HYAL4: variants seen among roughly 807,000 people sequenced by gnomAD.
The protein encoded by HYAL4 is hyaluronidase-4.
A neutral mutation model predicts 35.2 loss-of-function variants in HYAL4; 37 were observed. That is an observed-to-expected ratio of 1.05 (90% CI 0.81 to 1.38). HYAL4 has a LOEUF of 1.38. Among genes scored for constraint, HYAL4 ranks in the 40% most tolerant of loss-of-function variants. The probability of loss-of-function intolerance (pLI) is 0.00; values close to 1 mark genes in which losing one functional copy is unlikely to be tolerated. For missense variants in HYAL4, 572 were observed against 572.4 expected (o/e 1.00, Z 0.01); for synonymous variants, 198 against 203.2 (o/e 0.97, Z 0.22).
the HYAL4 span, among the ~76,000 whole-genome samples, chr7:123,787,107 CAAAAA>C: frequency 1.0e-4 from 5 of 49,158 alleles, no homozygotes; most frequent in Admixed American, 2.2e-4. Flanking sequence ...AACTCTGTCT[CAAAAA>C]AAAAAAAAAA....
At chr7:123,837,216 G>C (rs1430160005) in intron 1 of HYAL4, among the ~76,000 whole-genome samples, 1 of 152,118 alleles carries the variant, frequency 6.6e-6, no homozygotes, top group Non-Finnish European at 1.5e-5. Context: ...TTGTTTAAGA[G>C]GGCTGAAGAT....
chr7:123,849,359 G>A (rs1024686587), intron 2 of HYAL4, among the ~76,000 whole-genome samples: 2 of 151,018 alleles, frequency 1.3e-5, no homozygotes, highest in African/African-American at 4.9e-5. Context: ...GGAGTGCATC[G>A]GCGCGATCTT....
chr7:123,775,153 C>T, the HYAL4 span, among the ~76,000 whole-genome samples: 1 of 152,156 alleles, frequency 6.6e-6, no homozygotes. Context: ...CCTTGAGAGG[C>T]CAGGCATGGT....
chr7:123,783,291 C>G, the HYAL4 span, among the ~76,000 whole-genome samples: 3 of 152,092 alleles, frequency 2.0e-5, no homozygotes, highest in African/African-American at 2.4e-5. Context: ...TTTGCCTTCT[C>G]TATGTTGGGA....
rs765283289 is a variant in HYAL4, at chr7:123,868,789, C to T, written c.516C>T (p.Ser172=). The T allele has an allele frequency of 2.9e-5, 47 of 1,613,994 alleles. No individual in the cohort carries two copies. Among genetic ancestry groups the T allele is most frequent in the Middle Eastern group, 1.6e-4 (1 of 6,084 alleles). ...VYRQKSRKLI[S]DMGKNVSATD... ...GACAGAAGTCAAGAAAGCTTATTTC[C>T]GATATGGGAAAGAATGTATCAGCTA... is the stretch of plus-strand genomic sequence containing the variant. The change falls in exon 3 of 5, where the codon TCC becomes TCT. Residue 172 remains serine, a synonymous_variant. Transcript: ENST00000223026.
chr7:123,764,130 G>A, the HYAL4 span, among the ~76,000 whole-genome samples: 1 of 152,102 alleles, frequency 6.6e-6, no homozygotes, highest in African/African-American at 2.4e-5. Context: ...CTACAGGAGC[G>A]CATCACCACG....
chr7:123,778,171 ATC>A, the HYAL4 span, among the ~76,000 whole-genome samples: 1 of 150,064 alleles, frequency 6.7e-6, no homozygotes, highest in Admixed American at 6.6e-5. Flanking sequence ...CTATCTATCT[ATC>A]TATCTATCTA....
chr7:123,792,418 T>C, the HYAL4 span, among the ~76,000 whole-genome samples: 1 of 152,210 alleles, frequency 6.6e-6, no homozygotes. Flanking sequence ...GTAAATTACC[T>C]TGCTGAGGTT....
At chr7:123,873,285 A>G (rs749926164) in intron 3 of HYAL4, among the ~76,000 whole-genome samples, 2 of 152,108 alleles carry the variant, frequency 1.3e-5, no homozygotes, top group Non-Finnish European at 2.9e-5. Context: ...CATGTCAGCT[A>G]TGACCTGTTC....
chr7:123,854,360 G>A lies in HYAL4; in HGVS notation c.-52+6202G>A, dbSNP rs60844969. On this transcript the variant is annotated intron_variant, in intron 2 of 4. Transcript: ENST00000223026. Reference sequence around the variant, plus strand: ...TTACTGTTTCTGATGTGGGCATTTAGTGCTATAAATTTCCCTCTAAACACT... The same window carrying A: ...TTACTGTTTCTGATGTGGGCATTTAATGCTATAAATTTCCCTCTAAACACT... 1.2e-4 allele frequency among the ~76,000 whole-genome samples: 18 copies of A among 152,292 alleles called. No individual in the cohort carries two copies. The East Asian group carries it at 2.3e-3, about 20-fold the overall frequency.
At chr7:123,784,856 T>G in the HYAL4 span, among the ~76,000 whole-genome samples, 1 of 152,168 alleles carries the variant, frequency 6.6e-6, no homozygotes, top group Non-Finnish European at 1.5e-5. Flanking sequence ...TTGTTGCTTT[T>G]GTTACTGTAC....
the HYAL4 span, among the ~76,000 whole-genome samples, chr7:123,816,617 TTTTTTA>T: frequency 2.0e-5 from 3 of 152,144 alleles, no homozygotes; most frequent in Admixed American, 6.5e-5. Context: ...CTTTTTAATC[TTTTTTA>T]TTTTTAATTT....
the HYAL4 span, among the ~76,000 whole-genome samples, chr7:123,801,678 A>G: frequency 1.3e-5 from 2 of 152,210 alleles, no homozygotes; most frequent in East Asian, 3.9e-4. Flanking sequence ...ATCTTTTTTC[A>G]GTGTCCTAGT....
the HYAL4 span, among the ~76,000 whole-genome samples, chr7:123,805,442 G>A: frequency 9.9e-5 from 15 of 152,258 alleles, no homozygotes; most frequent in South Asian, 6.2e-4. Flanking sequence ...AATGTGGAGT[G>A]TAAAATGTGA....
At chr7:123,859,549 A>G (rs552290315) in intron 2 of HYAL4, among the ~76,000 whole-genome samples, 1 of 152,312 alleles carries the variant, frequency 6.6e-6, no homozygotes, top group South Asian at 2.1e-4. Flanking sequence ...GCTCTGGCTG[A>G]TAGTGTTCAT....
the HYAL4 span, among the ~76,000 whole-genome samples, chr7:123,793,999 C>A: frequency 2.0e-5 from 3 of 152,144 alleles, no homozygotes; most frequent in African/African-American, 7.2e-5. Flanking sequence ...TTTGGAATTT[C>A]CTAGAAACTT....
chr7:123,857,673 C>CTTTCTTTGTTTG (rs1562999470), intron 2 of HYAL4, among the ~76,000 whole-genome samples: 12 of 60,934 alleles, frequency 2.0e-4, no homozygotes, highest in Admixed American at 3.1e-4. Context: ...TTGTTTGTTT[C>CTTTCTTTGTTTG]TTTCTTTCTT....
intron 2 of HYAL4, among the ~76,000 whole-genome samples, chr7:123,848,879 G>A (rs184100489): frequency 2.6e-5 from 4 of 152,220 alleles, no homozygotes; most frequent in South Asian, 2.1e-4. Flanking sequence ...AAACTGGGTC[G>A]TACATTTTCT....
At chr7:123,794,882 C>T in the HYAL4 span, among the ~76,000 whole-genome samples, 10 of 152,278 alleles carry the variant, frequency 6.6e-5, no homozygotes, top group Non-Finnish European at 1.2e-4. Context: ...TCCTCCTGAC[C>T]CCAGAATAGG....
Sources: gnomAD v4.1 joint callset for allele counts (sites outside exome capture counted in the v4.1 genomes callset) on GRCh38, gnomAD v4.1.1 for gene constraint, MANE v1.5 for transcripts, NCBI Gene and HGNC (gene_info 2026-07-23, HGNC 2026-07-21) for gene names.